The following GRM4 variants were observed in gnomAD, a reference collection of about 807,000 sequenced individuals.
The protein encoded by GRM4 is metabotropic glutamate receptor 4.
A neutral mutation model predicts 81.7 loss-of-function variants in GRM4; 28 were observed. The observed-to-expected ratio is 0.34, with a 90% CI of 0.25 to 0.47. The LOEUF is 0.47. GRM4 is among the 20% of genes least tolerant of loss of function. The pLI is 1.00. For synonymous variants in GRM4, 488 were observed against 528.8 expected (o/e 0.92, Z 1.06); for missense variants, 948 against 1,290.0 (o/e 0.73, Z 4.06).
intron 9 of GRM4, among the ~76,000 whole-genome samples, chr6:34,032,512 G>C (rs2451379): frequency 0.34 from 52,447 of 152,110 alleles, 13,123 homozygotes; most frequent in African/African-American, 0.71. Flanking sequence ...CAGAACACAT[G>C]TCCTCCACCG....
At chr6:34,049,343 C>T (rs988814735) in intron 6 of GRM4, among the ~76,000 whole-genome samples, 1 of 152,102 alleles carries the variant, frequency 6.6e-6, no homozygotes, top group Non-Finnish European at 1.5e-5. Flanking sequence ...TTATCGCCGC[C>T]GGGACACCAC....
intron 3 of GRM4, among the ~76,000 whole-genome samples, chr6:34,084,146 G>A (rs149570239): frequency 6.7e-4 from 102 of 152,348 alleles, no homozygotes; most frequent in African/African-American, 2.2e-3. Context: ...GGAGGGCGAG[G>A]ATGCAGCCTG....
At chr6:34,043,275 A>C (rs962293797) in intron 6 of GRM4, among the ~76,000 whole-genome samples, 1 of 152,148 alleles carries the variant, frequency 6.6e-6, no homozygotes, top group African/African-American at 2.4e-5. Context: ...CAGCTTCACC[A>C]TCCTGCCTTG....
rs34766007 is a variant in GRM4 at position 34,078,960 on chromosome 6, C to A, written c.736+12923G>T. On this transcript the variant is annotated intron_variant, in intron 3 of 10. Transcript: ENST00000538487. The surrounding 1 kb of genome is among the most constrained non-coding windows in gnomAD (Gnocchi z 4.8). The stretch of plus-strand genomic sequence containing the variant: ...GTCACAACGGGAGGCTGAGAGAGGC[C>A]CAGGCGCACCCCCAGGTCTGAGGCC... Among the ~76,000 whole-genome samples the A allele has an allele frequency of 0.011, 1,671 of 152,218 alleles. 16 individuals are homozygous for A. Among genetic ancestry groups the A allele is most frequent in the Middle Eastern group, 0.024 (7 of 294 alleles).
chr6:34,025,498 G>A (rs1367126314), intron 10 of GRM4, among the ~76,000 whole-genome samples: 2 of 152,156 alleles, frequency 1.3e-5, no homozygotes, highest in Non-Finnish European at 2.9e-5. Flanking sequence ...AGTGTAGAGA[G>A]GAAGGACCAC....
chr6:34,133,652 C>T lies in GRM4; in HGVS notation c.-156G>A. 1 of 1,419,166 alleles carries T rather than the reference C, an allele frequency of 7.0e-7. No homozygotes were observed. 87.9% of individuals were successfully genotyped at this position (1,419,166 alleles called of 1,614,324 possible). A position where few individuals can be genotyped will look rare whatever the true frequency, so the allele number is the denominator to read the frequency against. ...AGCCCATGCTGCTACCCTCTCCCAC[C>T]TCCTTGTCACTCGGGCCAAGCACAG... On this transcript the variant is annotated 5_prime_UTR_variant, in exon 2 of 11. Transcript: ENST00000538487. This position sits in a 1 kb window ranked among gnomAD's most constrained non-coding sequence, Gnocchi z 6.5.
At chr6:34,024,929 G>A (rs370183021) in intron 10 of GRM4, among the ~76,000 whole-genome samples, 2 of 152,316 alleles carry the variant, frequency 1.3e-5, no homozygotes, top group South Asian at 4.1e-4. Context: ...CCAGGGTGCT[G>A]GATGACCAAG....
intron 2 of GRM4, among the ~76,000 whole-genome samples, chr6:34,093,373 C>T (rs1019481975): frequency 9.9e-5 from 15 of 152,228 alleles, no homozygotes; most frequent in Non-Finnish European, 1.5e-4. Flanking sequence ...CTCAATATCC[C>T]GACATTCAAC....
Position 34,064,055 on chromosome 6 carries a change from C to T in GRM4, c.737-2027G>A, listed in dbSNP as rs77113825. 8.4e-4 allele frequency among the ~76,000 whole-genome samples: 128 copies of T among 152,246 alleles called. No homozygotes were observed. Among genetic ancestry groups the T allele is most frequent in the African/African-American group, 3.0e-3 (126 of 41,528 alleles). On this transcript the variant is annotated intron_variant, in intron 3 of 10. Transcript: ENST00000538487. This position sits in a 1 kb window ranked among gnomAD's most constrained non-coding sequence, Gnocchi z 4.4. The stretch of plus-strand genomic sequence containing the variant: ...GGCACCTCAGGGCATATCTTGCAAG[C>T]TTCGTTTTGCTGGTGAAGGAAGGAT...
In GRM4 at chr6:34,028,138, C is replaced by T. The variant is rs768993231; in HGVS notation, c.2671G>A (p.Glu891Lys). 4 of 1,613,090 alleles carry T rather than the reference C, an allele frequency of 2.5e-6. No individual in the cohort carries two copies. Among genetic ancestry groups the T allele is most frequent in the Non-Finnish European group, 3.4e-6 (4 of 1,179,554 alleles). ...PNGEAKSELCENLEAPALATK... is the reference protein window; with the variant it reads ...PNGEAKSELCKNLEAPALATK... Reference sequence around the variant, plus strand: ...CACTCACCTGGGGCCTCAAGGTTCTCGCAGAGCTCAGACTTGGCCTCTCCG... The same window carrying T: ...CACTCACCTGGGGCCTCAAGGTTCTTGCAGAGCTCAGACTTGGCCTCTCCG... Residue 891 changes from glutamate to lysine, a missense_variant, in exon 10 of 11, where the codon GAG becomes AAG. Transcript: ENST00000538487.
upstream of GRM4, among the ~76,000 whole-genome samples, chr6:34,149,159 C>T (rs1475307188): frequency 1.3e-5 from 2 of 152,100 alleles, no homozygotes; most frequent in East Asian, 3.9e-4. Flanking sequence ...TTGAAAGAAT[C>T]CTAATAGAGG....
chr6:34,106,338 C>G (rs1233168054), intron 2 of GRM4, among the ~76,000 whole-genome samples: 2 of 151,984 alleles, frequency 1.3e-5, no homozygotes, highest in South Asian at 4.2e-4. Flanking sequence ...TCACTTGAAC[C>G]CAGGAGGCGG....
At chr6:34,052,705 C>T (rs1397912689) in intron 6 of GRM4, among the ~76,000 whole-genome samples, 1 of 152,092 alleles carries the variant, frequency 6.6e-6, no homozygotes, top group Non-Finnish European at 1.5e-5. Context: ...TCGGAGACCA[C>T]AGAGCATGCC....
rs1262029642 is a variant in GRM4, at chr6:34,019,147, G to C, written c.*3674C>G. 1.3e-5 allele frequency: 2 copies of C among 152,376 alleles called. No homozygotes were observed. Among genetic ancestry groups the C allele is most frequent in the African/African-American group, 4.8e-5 (2 of 41,436 alleles). 9.4% of individuals were successfully genotyped at this position (152,376 alleles called of 1,614,324 possible). On this transcript the variant is annotated 3_prime_UTR_variant, in exon 11 of 11. Transcript: ENST00000538487. Reference sequence around the variant, plus strand: ...AGACCTCTGTCCTGCCTGGCTCTATGCCTCTGCCTCCAGGGCCTGAGAAGT... The same window carrying C: ...AGACCTCTGTCCTGCCTGGCTCTATCCCTCTGCCTCCAGGGCCTGAGAAGT...
intron 3 of GRM4, among the ~76,000 whole-genome samples, chr6:34,082,682 C>T (rs1767666573): frequency 6.6e-6 from 1 of 152,250 alleles, no homozygotes; most frequent in Non-Finnish European, 1.5e-5. Flanking sequence ...CCTTTGAGAG[C>T]ACCAGTGCTC....
intron 9 of GRM4, among the ~76,000 whole-genome samples, chr6:34,032,611 G>A (rs1764493685): frequency 6.6e-6 from 1 of 152,228 alleles, no homozygotes; most frequent in South Asian, 2.1e-4. Flanking sequence ...AGGCCAGCCT[G>A]TCGTATGACC....
intron 3 of GRM4, among the ~76,000 whole-genome samples, chr6:34,087,333 C>T (rs1387950540): frequency 2.7e-5 from 4 of 149,940 alleles, no homozygotes; most frequent in Admixed American, 2.0e-4. Context: ...GCAGGAGAAT[C>T]GTTTGAATCC....
intron 3 of GRM4, among the ~76,000 whole-genome samples, chr6:34,067,594 CTTTCTTCCTCCCTTCA>C (rs1305997268): frequency 1.7e-5 from 2 of 115,126 alleles, no homozygotes; most frequent in African/African-American, 8.9e-5. Context: ...TCCTCCCTCC[CTTTCTTCCTCCCTTCA>C]TGCCTTCCTC....
At chr6:34,108,399 G>C (rs1241324182) in intron 2 of GRM4, among the ~76,000 whole-genome samples, 5 of 152,220 alleles carry the variant, frequency 3.3e-5, no homozygotes, top group Non-Finnish European at 5.9e-5. Context: ...AGCTGCTAGC[G>C]CCTAGCCCAG....
Sources: gnomAD v4.1 joint callset for allele counts (sites outside exome capture counted in the v4.1 genomes callset) on GRCh38, gnomAD v4.1.1 for gene constraint, Gnocchi (gnomAD v3.1) non-coding constraint, MANE v1.5 for transcripts, NCBI Gene and HGNC (gene_info 2026-07-23, HGNC 2026-07-21) for gene names.